SP140L: variants seen among roughly 807,000 people sequenced by gnomAD.
SP140L encodes the protein SP140 like nuclear body protein.
SP140L carries 64 observed loss-of-function variants against 84.3 expected under a neutral mutation model. The observed-to-expected ratio is 0.76, with a 90% confidence interval of 0.62 to 0.94. SP140L has a LOEUF of 0.94. SP140L is among the 40% of genes least tolerant of loss of function. The probability of loss-of-function intolerance (pLI) is 0.00; values close to 1 mark genes in which losing one functional copy is unlikely to be tolerated. For missense variants in SP140L, 628 were observed against 692.5 expected (o/e 0.91, Z 1.05); for synonymous variants, 242 against 236.9 (o/e 1.02, Z -0.20).
chr2:230,377,753 C>G (rs1345714938), intron 7 of SP140L, among the ~76,000 whole-genome samples: 1 of 152,170 alleles, frequency 6.6e-6, no homozygotes, highest in East Asian at 1.9e-4. Flanking sequence ...CTCTTGCATT[C>G]CCACCAGTAA....
chr2:230,387,153 G>GC (rs960163934), intron 9 of SP140L, among the ~76,000 whole-genome samples: 40 of 152,320 alleles, frequency 2.6e-4, no homozygotes, highest in African/African-American at 9.1e-4. Context: ...GCAAGATGGA[G>GC]CAAAAAGATT....
At chr2:230,401,269 A>G in intron 16 of SP140L, 97 bp from the exon 17 acceptor site, 1 of 1,597,798 alleles carries the variant, frequency 6.3e-7, no homozygotes, top group Middle Eastern at 1.7e-4. Context: ...TGTTAGAGAA[A>G]CTTGAGGAAG....
intron 13 of SP140L, among the ~76,000 whole-genome samples, chr2:230,396,407 G>A (rs2062049122): frequency 6.6e-6 from 1 of 152,246 alleles, no homozygotes; most frequent in African/African-American, 2.4e-5. Flanking sequence ...ACAAGAAGAG[G>A]TTCAGAGAGC....
chr2:230,392,649 A>G (rs2061871216), intron 12 of SP140L, among the ~76,000 whole-genome samples: 1 of 152,230 alleles, frequency 6.6e-6, no homozygotes, highest in African/African-American at 2.4e-5. Flanking sequence ...GTTGTGTACA[A>G]TAAGGCACAA....
intron 2 of SP140L, among the ~76,000 whole-genome samples, chr2:230,350,730 G>A (rs2060338880): frequency 1.3e-5 from 2 of 152,038 alleles, no homozygotes. Flanking sequence ...CAGATGAGGG[G>A]ATTGGGAGTA....
intron 2 of SP140L, among the ~76,000 whole-genome samples, chr2:230,334,939 T>C (rs991133095): frequency 6.6e-6 from 1 of 152,042 alleles, no homozygotes; most frequent in Non-Finnish European, 1.5e-5. Context: ...TGTCCTAAAG[T>C]ATATTTTCCC....
At chr2:230,346,924 G>T (rs1460333766) in intron 2 of SP140L, among the ~76,000 whole-genome samples, 1 of 152,122 alleles carries the variant, frequency 6.6e-6, no homozygotes, top group Non-Finnish European at 1.5e-5. Flanking sequence ...TCTTTTAGGG[G>T]TTTTATTTTT....
At chr2:230,358,645 G>A (rs1437004383) in intron 3 of SP140L, among the ~76,000 whole-genome samples, 1 of 152,178 alleles carries the variant, frequency 6.6e-6, no homozygotes, top group East Asian at 1.9e-4. Context: ...CTCATTGATT[G>A]CCTGCTACAT....
intron 13 of SP140L, among the ~76,000 whole-genome samples, 158 bp downstream of exon 13, chr2:230,393,619 A>G (rs1469665648): frequency 6.6e-6 from 1 of 152,186 alleles, no homozygotes; most frequent in Non-Finnish European, 1.5e-5. Context: ...TTTCAGAGTT[A>G]CTACTTTGAA....
At chr2:230,359,164 C>T in intron 4 of SP140L, 32 bp downstream of exon 4, 1 of 1,592,172 alleles carries the variant, frequency 6.3e-7, no homozygotes, top group South Asian at 1.1e-5. Context: ...CTTTTGATTT[C>T]CGGGGCCAAT....
At chr2:230,349,773 C>T (rs971961477) in intron 2 of SP140L, among the ~76,000 whole-genome samples, 3 of 152,046 alleles carry the variant, frequency 2.0e-5, no homozygotes, top group Admixed American at 6.6e-5. Flanking sequence ...CTTTGGGAGG[C>T]AGAGGTGGGC....
intron 9 of SP140L, among the ~76,000 whole-genome samples, chr2:230,386,123 T>C (rs889953193): frequency 1.3e-5 from 2 of 152,220 alleles, no homozygotes; most frequent in Admixed American, 1.3e-4. Context: ...AGAGCTTTTC[T>C]TCTACAACCT....
chr2:230,346,416 A>G (rs1380311118), intron 2 of SP140L, among the ~76,000 whole-genome samples: 1 of 151,968 alleles, frequency 6.6e-6, no homozygotes, highest in Non-Finnish European at 1.5e-5. Context: ...ATAAATGTCC[A>G]TTTCTCTCCC....
chr2:230,339,638 T>C (rs1325913930), intron 2 of SP140L, among the ~76,000 whole-genome samples: 28 of 147,994 alleles, frequency 1.9e-4, no homozygotes, highest in Admixed American at 1.1e-3. Flanking sequence ...CATTTAGTGC[T>C]ATAAATTTCC....
At chr2:230,393,342 G>T in intron 12 of SP140L, 72 bp from the exon 13 acceptor site, 1 of 1,487,468 alleles carries the variant, frequency 6.7e-7, no homozygotes, top group East Asian at 2.6e-5. Flanking sequence ...TATTTGGGAA[G>T]AGGTTGGAAA....
At chr2:230,370,790 G>C in intron 5 of SP140L, 118 bp from the exon 6 acceptor site, 1 of 846,152 alleles carries the variant, frequency 1.2e-6, no homozygotes, top group East Asian at 2.7e-5. Flanking sequence ...CAGCAACCAG[G>C]GTGCAGAAAA....
intron 11 of SP140L, chr2:230,391,684 A>T (rs1220892170): frequency 5.4e-6 from 1 of 185,310 alleles, no homozygotes; most frequent in Non-Finnish European, 1.2e-5. Context: ...TGTACCCCTA[A>T]GTAAGGATTC....
At position 230,390,011 on chromosome 2, in the gene SP140L, A is replaced by G. The variant is rs1319911498; in HGVS notation, c.952A>G (p.Lys318Glu). The G allele has an allele frequency of 1.2e-6, 2 of 1,613,272 alleles. No individual in the cohort carries two copies. Among genetic ancestry groups the G allele is most frequent in the Non-Finnish European group, 1.7e-6 (2 of 1,179,610 alleles). Reference sequence around the variant, plus strand: ...GGTGAAGGGAATTTTACATAAGGAGAAATTGGAACAAGGTGGGTTTCATAG... The same window carrying G: ...GGTGAAGGGAATTTTACATAAGGAGGAATTGGAACAAGGTGGGTTTCATAG... The part of the protein sequence containing the change: ...GGVKGILHKE[K>E]LEQGTLAKCI... The change falls in exon 11 of 19, where the codon AAA (lysine) becomes GAA (glutamate). Residue 318 changes from lysine (K) to glutamate (E), a missense_variant. Coordinates refer to ENST00000415673, the MANE Select transcript of SP140L (RefSeq NM_138402.6).
chr2:230,328,759 G>A lies in SP140L; in HGVS notation c.35G>A (p.Gly12Glu), dbSNP rs762830775. 1 of 1,611,956 alleles carries A rather than the reference G, an allele frequency of 6.2e-7. No individual in the cohort carries two copies. The highest frequency in any genetic ancestry group is 8.5e-7 in the Non-Finnish European group (1 of 1,178,890). The change falls in exon 2 of 19, where the codon GGG becomes GAG. Residue 12 changes from glycine (G) to glutamate (E), a missense_variant and splice_region_variant. By Grantham distance (98) the Gly-to-Glu change is moderately conservative (BLOSUM62 -2). Coordinates refer to ENST00000415673, the MANE Select transcript of SP140L (RefSeq NM_138402.6). ...AGGGSDLSTR[G>E]LNGGVSQVAN... ...ATCCTGCCAAATTGTCTTTTTAGGG[G>A]GCTGAACGGAGGTGTTTCACAAGTA...
Sources: allele counts gnomAD v4.1 joint callset (sites outside exome capture counted in the v4.1 genomes callset), GRCh38; gene constraint gnomAD v4.1.1; transcripts MANE v1.5; gene names NCBI Gene and HGNC (gene_info 2026-07-23, HGNC 2026-07-21).